CHL1: variants seen among roughly 807,000 people sequenced by gnomAD.
CHL1 encodes neural cell adhesion molecule L1-like protein.
Under a neutral mutation model 141.9 loss-of-function variants are expected in CHL1, and 96 were observed. The ratio of observed to expected loss-of-function variants is 0.68; its 90% CI spans 0.57 to 0.80. CHL1 has a LOEUF of 0.80. Among genes scored for constraint, CHL1 ranks in the 30% least tolerant of loss-of-function variants. CHL1 has a pLI of 0.00. For missense variants in CHL1, 1,820 were observed against 1,457.2 expected, an observed-to-expected ratio of 1.25 and a Z score of -4.05; for synonymous variants, 613 against 502.2, an observed-to-expected ratio of 1.22 and a Z score of -2.95.
intron 2 of CHL1, among the ~76,000 whole-genome samples, chr3:291,791 T>C (rs1697717355): frequency 6.6e-6 from 1 of 152,210 alleles, no homozygotes; most frequent in Non-Finnish European, 1.5e-5. Flanking sequence ...GCAGATGTAA[T>C]GAGCCTTGGA....
At chr3:326,439 C>T (rs1701019323) in intron 4 of CHL1, among the ~76,000 whole-genome samples, 1 of 151,890 alleles carries the variant, frequency 6.6e-6, no homozygotes, top group Admixed American at 6.6e-5. Flanking sequence ...CCATTCTATA[C>T]ATATTTATAA....
At chr3:265,805 G>A (rs985308949) in intron 2 of CHL1, among the ~76,000 whole-genome samples, 1 of 152,202 alleles carries the variant, frequency 6.6e-6, no homozygotes, top group African/African-American at 2.4e-5. Flanking sequence ...GGAATGGAGA[G>A]TGAGGTAGTA....
chr3:238,333 T>C (rs1225668061), intron 1 of CHL1, among the ~76,000 whole-genome samples: 1 of 151,964 alleles, frequency 6.6e-6, no homozygotes, highest in Non-Finnish European at 1.5e-5. Context: ...GCTGAGGTGC[T>C]CACAGCCTTT....
chr3:279,080 C>T (rs552219479), intron 2 of CHL1, among the ~76,000 whole-genome samples: 1 of 152,170 alleles, frequency 6.6e-6, no homozygotes, highest in African/African-American at 2.4e-5. Flanking sequence ...GCCGGATATT[C>T]AGTGTCTTAG....
intron 1 of CHL1, among the ~76,000 whole-genome samples, chr3:211,757 C>T (rs1221384542): frequency 6.6e-6 from 1 of 152,096 alleles, no homozygotes; most frequent in East Asian, 1.9e-4. Flanking sequence ...TATACACAAC[C>T]CCAAAATGCT....
At chr3:386,888 G>C (rs187334533) in intron 19 of CHL1, among the ~76,000 whole-genome samples, 1 of 152,184 alleles carries the variant, frequency 6.6e-6, no homozygotes, top group Non-Finnish European at 1.5e-5. Flanking sequence ...TGAGAGACTA[G>C]GTTTTAAGTG....
rs187285927 is a variant in CHL1, at chr3:267,454, A to G, written c.-95+22762A>G. Among the ~76,000 whole-genome samples the G allele has an allele frequency of 2.3e-3, 354 of 152,320 alleles. 3 individuals carry two copies. Among genetic ancestry groups the G allele is most frequent in the African/African-American group, 8.0e-3 (333 of 41,574 alleles). ...TTTATATTTTACTTCATAATACTGCATTCACTTCCTTTGAAATGTTAGTAT... is the reference window on the plus strand; with the variant it reads ...TTTATATTTTACTTCATAATACTGCGTTCACTTCCTTTGAAATGTTAGTAT... On this transcript the variant is annotated intron_variant, in intron 2 of 27. Coordinates refer to ENST00000256509, the MANE Select transcript of CHL1 (RefSeq NM_006614.4).
At chr3:367,350 C>T (rs990757310) in intron 15 of CHL1, among the ~76,000 whole-genome samples, 1 of 152,174 alleles carries the variant, frequency 6.6e-6, no homozygotes, top group African/African-American at 2.4e-5. Flanking sequence ...AGCAACACTG[C>T]CATGGGTAAG....
intron 2 of CHL1, among the ~76,000 whole-genome samples, chr3:316,231 G>C (rs1045489751): frequency 6.6e-6 from 1 of 151,944 alleles, no homozygotes; most frequent in East Asian, 1.9e-4. Context: ...CTATTTTACA[G>C]GTTGCTCTTT....
Position 267,883 on chromosome 3 carries a change from A to G in CHL1, c.-95+23191A>G, listed in dbSNP as rs557603399. Reference sequence around the variant, plus strand: ...GCATTTTCTTGAAGGAGAAAATGTAACAATTACCATAGAAATGCATTTGCC... The same window carrying G: ...GCATTTTCTTGAAGGAGAAAATGTAGCAATTACCATAGAAATGCATTTGCC... On this transcript the variant is annotated intron_variant, in intron 2 of 27. Coordinates refer to ENST00000256509, the MANE Select transcript of CHL1 (RefSeq NM_006614.4). Among the ~76,000 whole-genome samples the G allele has an allele frequency of 2.0e-5, 3 of 152,352 alleles. No homozygotes were observed. The South Asian group carries it at 6.2e-4, about 32-fold the overall frequency.
chr3:391,432 C>T (rs900710137), intron 22 of CHL1, among the ~76,000 whole-genome samples: 4 of 152,188 alleles, frequency 2.6e-5, no homozygotes, highest in African/African-American at 4.8e-5. Context: ...AGGAGAATCA[C>T]TTGAACCCGG....
intron 1 of CHL1, among the ~76,000 whole-genome samples, chr3:226,247 C>T (rs991808869): frequency 3.3e-5 from 5 of 149,848 alleles, no homozygotes; most frequent in East Asian, 2.0e-4. Context: ...ATGTTGAGCT[C>T]CTGGTGTCAT....
chr3:286,167 C>T (rs1344901785), intron 2 of CHL1, among the ~76,000 whole-genome samples: 1 of 152,162 alleles, frequency 6.6e-6, no homozygotes, highest in Non-Finnish European at 1.5e-5. Context: ...TAACACCACC[C>T]AGTTTGTCTC....
Position 238,371 on chromosome 3 carries a change from C to G in CHL1, c.-174-6242C>G, listed in dbSNP as rs13062390. ...TAGCAATTTAAAAAATCACTCAAAA[C>G]CTCCAGTGTTTAAAGATCAATTGAG... On this transcript the variant is annotated intron_variant, in intron 1 of 27. Transcript: ENST00000256509. Among the ~76,000 whole-genome samples the G allele has an allele frequency of 5.8e-4, 88 of 151,644 alleles. 2 individuals are homozygous for G. The highest frequency in any genetic ancestry group is 7.4e-5 in the Non-Finnish European group (5 of 67,970).
At chr3:308,883 C>A in intron 2 of CHL1, 1 of 163,046 alleles carries the variant, frequency 6.1e-6, no homozygotes, top group South Asian at 1.9e-4. Context: ...CATTCATTTT[C>A]CTTTCATTAT....
intron 2 of CHL1, among the ~76,000 whole-genome samples, chr3:251,440 AATCCTT>A (rs1693684609): frequency 6.6e-6 from 1 of 152,188 alleles, no homozygotes; most frequent in African/African-American, 2.4e-5. Context: ...GTGGGCTCAT[AATCCTT>A]ATCTCAGATA....
At chr3:326,217 A>G (rs950830259) in intron 4 of CHL1, among the ~76,000 whole-genome samples, 153 bp downstream of exon 4, 1 of 152,042 alleles carries the variant, frequency 6.6e-6, no homozygotes, top group Non-Finnish European at 1.5e-5. Flanking sequence ...AACAAAAAAA[A>G]AATTTGGTTA....
intron 2 of CHL1, chr3:309,462 T>G (rs1699568580): frequency 6.6e-6 from 1 of 151,140 alleles, no homozygotes; most frequent in African/African-American, 2.4e-5. Flanking sequence ...TTTCTTTCTT[T>G]CTTATTCCTT....
chr3:222,833 A>AATTTAAT (rs2124988695), intron 1 of CHL1, among the ~76,000 whole-genome samples: 1 of 152,280 alleles, frequency 6.6e-6, no homozygotes, highest in African/African-American at 2.4e-5. Context: ...AATTCAAAGT[A>AATTTAAT]TTCATTACTT....
Sources: allele counts gnomAD v4.1 joint callset (sites outside exome capture counted in the v4.1 genomes callset), GRCh38; gene constraint gnomAD v4.1.1; transcripts MANE v1.5; gene names NCBI Gene and HGNC (gene_info 2026-07-23, HGNC 2026-07-21).